The following ENTREP2 variants were observed in gnomAD, a reference collection of about 807,000 sequenced individuals.
ENTREP2 encodes endosomal transmembrane epsin interactor 2, also known as protein ENTREP2.
the ENTREP2 span, among the ~76,000 whole-genome samples, chr15:29,336,958 C>T: frequency 1.3e-5 from 2 of 152,206 alleles, no homozygotes; most frequent in Non-Finnish European, 2.9e-5. Context: ...CTGACCCCAG[C>T]AGCTGGGTGA....
the ENTREP2 span, among the ~76,000 whole-genome samples, chr15:29,181,367 T>C: frequency 6.6e-6 from 1 of 152,164 alleles, no homozygotes; most frequent in Non-Finnish European, 1.5e-5. Flanking sequence ...GCAAACTTTG[T>C]TTTCAGAGGG....
At chr15:29,519,881 C>G in the ENTREP2 span, among the ~76,000 whole-genome samples, 3 of 152,188 alleles carry the variant, frequency 2.0e-5, no homozygotes, top group African/African-American at 7.2e-5. Context: ...TGATTTGTTC[C>G]TGCCCCACCC....
At chr15:29,457,896 G>A in the ENTREP2 span, among the ~76,000 whole-genome samples, 3 of 152,148 alleles carry the variant, frequency 2.0e-5, no homozygotes, top group African/African-American at 7.2e-5. Context: ...TGCAGGATGA[G>A]GCACGGCTTC....
At chr15:29,667,143 ACAGGTGC>A in the ENTREP2 span, among the ~76,000 whole-genome samples, 1 of 151,682 alleles carries the variant, frequency 6.6e-6, no homozygotes, top group Non-Finnish European at 1.5e-5. Context: ...AGTCACATTC[ACAGGTGC>A]CAGGTTAGGG....
chr15:29,177,464 G>C, the ENTREP2 span, among the ~76,000 whole-genome samples: 204 of 152,290 alleles, frequency 1.3e-3, no homozygotes, highest in Middle Eastern at 6.8e-3. Flanking sequence ...TCAGTTTTCA[G>C]GAATATATTC....
At chr15:29,470,691 T>A in the ENTREP2 span, among the ~76,000 whole-genome samples, 1 of 152,202 alleles carries the variant, frequency 6.6e-6, no homozygotes, top group Admixed American at 6.5e-5. Context: ...ATCCTGACAG[T>A]GGCCAGCTCG....
At chr15:29,246,392 CAA>C in the ENTREP2 span, among the ~76,000 whole-genome samples, 5,021 of 90,644 alleles carry the variant, frequency 0.055, 192 homozygotes, top group African/African-American at 0.13. Context: ...ACCCTGTTTC[CAA>C]AAAAAAAAAA....
the ENTREP2 span, among the ~76,000 whole-genome samples, chr15:29,657,144 T>C: frequency 4.6e-5 from 7 of 152,050 alleles, no homozygotes; most frequent in Non-Finnish European, 7.4e-5. Context: ...GCCTCCCCCG[T>C]TCCGGCCATT....
At chr15:29,356,952 G>A in the ENTREP2 span, among the ~76,000 whole-genome samples, 6 of 152,098 alleles carry the variant, frequency 3.9e-5, no homozygotes, top group Admixed American at 3.3e-4. Context: ...AGAGAAAGCT[G>A]GGGGCCCTTC....
the ENTREP2 span, among the ~76,000 whole-genome samples, chr15:29,549,472 G>A: frequency 1.5e-4 from 23 of 151,968 alleles, no homozygotes; most frequent in Non-Finnish European, 1.8e-4. Context: ...GGGTTTCACC[G>A]TGTTAGCTAG....
the ENTREP2 span, among the ~76,000 whole-genome samples, chr15:29,282,891 C>T: frequency 3.9e-5 from 6 of 152,164 alleles, no homozygotes; most frequent in Non-Finnish European, 7.3e-5. Context: ...TTGAAAGCCT[C>T]GGGCCAACCA....
At chr15:29,231,938 C>A in the ENTREP2 span, among the ~76,000 whole-genome samples, 1 of 145,742 alleles carries the variant, frequency 6.9e-6, no homozygotes, top group Non-Finnish European at 1.5e-5. Context: ...CTGCCCAGGC[C>A]GGAGTGAGTG....
the ENTREP2 span, among the ~76,000 whole-genome samples, chr15:29,458,122 C>A: frequency 3.9e-5 from 6 of 152,278 alleles, no homozygotes; most frequent in Non-Finnish European, 8.8e-5. Context: ...GGATAGCTAG[C>A]ATGTCGGTCA....
chr15:29,445,163 C>T, the ENTREP2 span, among the ~76,000 whole-genome samples: 1 of 152,238 alleles, frequency 6.6e-6, no homozygotes, highest in South Asian at 2.1e-4. Context: ...TTGGTGATGA[C>T]GGTGGAGCCC....
At chr15:29,125,084 G>A in the ENTREP2 span, among the ~76,000 whole-genome samples, 5 of 152,314 alleles carry the variant, frequency 3.3e-5, no homozygotes, top group Admixed American at 6.5e-5. Flanking sequence ...CCTGCGGCGT[G>A]CACATCAGCC....
At chr15:29,200,025 A>G in the ENTREP2 span, among the ~76,000 whole-genome samples, 1 of 152,152 alleles carries the variant, frequency 6.6e-6, no homozygotes, top group African/African-American at 2.4e-5. Flanking sequence ...TTAGTCGGGC[A>G]TATTTGTGTG....
At chr15:29,382,958 G>A in the ENTREP2 span, among the ~76,000 whole-genome samples, 553 of 152,266 alleles carry the variant, frequency 3.6e-3, no homozygotes, top group African/African-American at 0.013. Flanking sequence ...GCTGAGGGCT[G>A]AGGCTCCCTC....
At chr15:29,381,146 C>T in the ENTREP2 span, among the ~76,000 whole-genome samples, 43,538 of 145,930 alleles carry the variant, frequency 0.3, 6,914 homozygotes, top group African/African-American at 0.41. Flanking sequence ...TGCGCCAAGC[C>T]GCATCCACAC....
chr15:29,565,870 A>C, the ENTREP2 span, among the ~76,000 whole-genome samples: 2 of 151,790 alleles, frequency 1.3e-5, no homozygotes, highest in African/African-American at 2.4e-5. Context: ...CTGAGGCAGG[A>C]GAATGGCATG....
Sources: allele counts gnomAD v4.1 joint callset (sites outside exome capture counted in the v4.1 genomes callset), GRCh38; gene constraint gnomAD v4.1.1; transcripts MANE v1.5; gene names NCBI Gene and HGNC (gene_info 2026-07-23, HGNC 2026-07-21).